The following SPATA13 variants were observed in gnomAD, a reference collection of about 807,000 sequenced individuals.
SPATA13 encodes the protein spermatogenesis-associated protein 13.
A neutral mutation model predicts 104.0 loss-of-function variants in SPATA13; 50 were observed. That is an observed-to-expected ratio of 0.48 (90% confidence interval 0.38 to 0.61). SPATA13 has a LOEUF of 0.61. Ranked by LOEUF, SPATA13 falls within the 20% of genes least tolerant of loss-of-function variation. The pLI is 0.00. For synonymous variants in SPATA13, 606 were observed against 667.5 expected (o/e 0.91, Z 1.42); for missense variants, 1,524 against 1,690.6 (o/e 0.90, Z 1.73).
rs1448603847 is a variant in SPATA13 at position 24,223,253 on chromosome 13, C to G, written c.324C>G (p.Phe108Leu). 6.4e-7 allele frequency: 1 copy of G among 1,551,708 alleles called. No individual in the cohort carries two copies. Among genetic ancestry groups the G allele is most frequent in the South Asian group, 1.2e-5 (1 of 84,060 alleles). ...NSSTWNTLASFRKMGSFKKLK... is the reference protein window; with the variant it reads ...NSSTWNTLASLRKMGSFKKLK... ...CCACATGGAACACCCTCGCCTCCTT[C>G]CGGAAAATGGGATCCTTTAAGAAAC... The change falls in exon 2 of 13, where the codon TTC becomes TTG. Residue 108 changes from phenylalanine (F) to leucine (L), a missense_variant. Physicochemically the swap from Phe to Leu is conservative, Grantham distance 22. Around this residue, in one of 2 missense-constraint regions of SPATA13, gnomAD observed 1,089 missense variants for 1,135.9 expected, o/e 0.96. Coordinates refer to ENST00000382108, the MANE Select transcript of SPATA13 (RefSeq NM_001166271.3).
chr13:23,991,557 C>T (rs1367161944), intron 2 of SPATA13, among the ~76,000 whole-genome samples: 3 of 152,104 alleles, frequency 2.0e-5, no homozygotes, highest in Non-Finnish European at 4.4e-5. Flanking sequence ...GTTAGCGAGC[C>T]CCGGCCCGCA....
At chr13:24,004,343 G>A (rs1244311809) in intron 2 of SPATA13, among the ~76,000 whole-genome samples, 3 of 152,264 alleles carry the variant, frequency 2.0e-5, no homozygotes, top group East Asian at 3.9e-4. Context: ...TACCATTTAC[G>A]GCAGTGTTGA....
chr13:24,006,060 C>T (rs1876211694), intron 2 of SPATA13, among the ~76,000 whole-genome samples: 2 of 152,220 alleles, frequency 1.3e-5, no homozygotes, highest in Non-Finnish European at 1.5e-5. Context: ...CCGGAGGTGC[C>T]TGCTGTGTTC....
intron 4 of SPATA13, among the ~76,000 whole-genome samples, chr13:24,279,948 T>C (rs1209647431): frequency 6.6e-6 from 1 of 152,248 alleles, no homozygotes; most frequent in Non-Finnish European, 1.5e-5. Context: ...TACTAATCCA[T>C]GATGTTGAAA....
chr13:24,154,316 G>A (rs1472020452), intron 3 of SPATA13, among the ~76,000 whole-genome samples: 1 of 152,082 alleles, frequency 6.6e-6, no homozygotes, highest in East Asian at 1.9e-4. Flanking sequence ...ATAGGACATA[G>A]TATATTCAAA....
chr13:24,054,376 T>G (rs1407815561), intron 3 of SPATA13, among the ~76,000 whole-genome samples: 2 of 152,180 alleles, frequency 1.3e-5, no homozygotes, highest in African/African-American at 4.8e-5. Context: ...AGTGGGAGAT[T>G]TCCAAGAAGC....
At chr13:24,111,135 C>T (rs1251996974) in intron 3 of SPATA13, among the ~76,000 whole-genome samples, 1 of 151,798 alleles carries the variant, frequency 6.6e-6, no homozygotes, top group Non-Finnish European at 1.5e-5. Flanking sequence ...GTCTTGAACC[C>T]CTGGTTTCAA....
At position 24,303,717 on chromosome 13, in the gene SPATA13, C is replaced by A. The variant is rs572781179; in HGVS notation, c.*944C>A. Reference sequence around the variant, plus strand: ...GGTCAGGAGTTCGAGACAAGCGTGGCCAATATGGCAAAGCCCAGTCTCTAC... The same window carrying A: ...GGTCAGGAGTTCGAGACAAGCGTGGACAATATGGCAAAGCCCAGTCTCTAC... On this transcript the variant is annotated 3_prime_UTR_variant, in exon 13 of 13. Transcript: ENST00000382108. The A allele has an allele frequency of 6.6e-6, 1 of 152,408 alleles. No homozygotes were observed. Among genetic ancestry groups the A allele is most frequent in the Non-Finnish European group, 1.5e-5 (1 of 68,260 alleles). 9.4% of individuals were successfully genotyped at this position (152,408 alleles called of 1,614,324 possible).
At chr13:24,079,285 G>A (rs780548371) in intron 3 of SPATA13, among the ~76,000 whole-genome samples, 16 of 152,176 alleles carry the variant, frequency 1.1e-4, no homozygotes, top group Admixed American at 3.3e-4. Context: ...TGTCCGCTAC[G>A]GTGCAGTTTT....
At chr13:24,072,825 C>CTTTTTTTTTTTTTT (rs11353469) in intron 3 of SPATA13, among the ~76,000 whole-genome samples, 15 of 120,652 alleles carry the variant, frequency 1.2e-4, no homozygotes, top group Non-Finnish European at 1.5e-4. Flanking sequence ...CTGTTGGCTC[C>CTTTTTTTTTTTTTT]TTTTTTTTTT....
At chr13:24,079,531 G>A (rs562718429) in intron 3 of SPATA13, among the ~76,000 whole-genome samples, 1 of 152,290 alleles carries the variant, frequency 6.6e-6, no homozygotes, top group African/African-American at 2.4e-5. Flanking sequence ...GTCTTGTCTA[G>A]AAGTTTCAGC....
At chr13:24,061,090 G>A (rs933508622) in intron 3 of SPATA13, among the ~76,000 whole-genome samples, 21 of 152,028 alleles carry the variant, frequency 1.4e-4, no homozygotes, top group Non-Finnish European at 2.6e-4. Flanking sequence ...TTCAAAAGAG[G>A]ACATACATGT....
rs1168079513 is a variant in SPATA13 at position 24,222,873 on chromosome 13, A to T, written c.-57A>T. 6.5e-7 allele frequency: 1 copy of T among 1,545,216 alleles called. No homozygotes were observed. Among genetic ancestry groups the T allele is most frequent in the East Asian group, 2.5e-5 (1 of 40,734 alleles). On this transcript the variant is annotated 5_prime_UTR_variant, in exon 2 of 13. Transcript: ENST00000382108. ...AGGCAGGTGTGAGTGCCAGGACGGC[A>T]TTCCTGGAGATGAAGGCCTGGAGCT...
upstream of SPATA13, among the ~76,000 whole-genome samples, chr13:24,158,494 C>G (rs574676284): frequency 6.6e-6 from 1 of 152,288 alleles, no homozygotes; most frequent in South Asian, 2.1e-4. Context: ...GATGTACTCC[C>G]GTGATGAACA....
At position 24,109,989 on chromosome 13, in the gene SPATA13, G is replaced by A. The variant is rs184117625; in HGVS notation, c.-112+92288G>A. Among the ~76,000 whole-genome samples the A allele has an allele frequency of 4.0e-5, 6 of 149,070 alleles. No individual in the cohort carries two copies. In the East Asian group the frequency reaches 1.2e-3, roughly 29 times the overall value. ...TCAAGTTTTCACTCCCATTCCATGT[G>A]AGAACTAATTTTCTTTCTATCTCGG... On this transcript the variant is annotated intron_variant, in intron 3 of 14. Coordinates refer to the SPATA13 transcript ENST00000424834.
At chr13:24,239,693 TAAAAAAAAA>T (rs55881452) in intron 2 of SPATA13, among the ~76,000 whole-genome samples, 13 of 46,942 alleles carry the variant, frequency 2.8e-4, no homozygotes, top group South Asian at 1.6e-3. Context: ...AGACCATATC[TAAAAAAAAA>T]AAAAAAAAAA....
At chr13:24,229,465 G>C (rs531486089) in intron 2 of SPATA13, among the ~76,000 whole-genome samples, 24 of 152,210 alleles carry the variant, frequency 1.6e-4, no homozygotes, top group African/African-American at 5.3e-4. Flanking sequence ...TCTGCCCCTG[G>C]GGATGGTAAG....
chr13:24,086,761 G>C (rs1879737891), intron 3 of SPATA13, among the ~76,000 whole-genome samples: 1 of 152,128 alleles, frequency 6.6e-6, no homozygotes, highest in Admixed American at 6.5e-5. Flanking sequence ...GCAGAAGCGG[G>C]TGCAGAGCGG....
intron 3 of SPATA13, among the ~76,000 whole-genome samples, chr13:24,136,869 G>A (rs1162522374): frequency 2.9e-5 from 1 of 35,064 alleles, no homozygotes; most frequent in Non-Finnish European, 6.4e-5. Context: ...TCGCTCTGTC[G>A]CCCAGGCTGG....
Sources: allele counts gnomAD v4.1 joint callset (sites outside exome capture counted in the v4.1 genomes callset), GRCh38; gene constraint gnomAD v4.1.1; regional missense constraint gnomAD v4.1.1; transcripts MANE v1.5; gene names NCBI Gene and HGNC (gene_info 2026-07-23, HGNC 2026-07-21).